ZAN: variants seen among roughly 807,000 people sequenced by gnomAD.
ZAN encodes the protein zonadhesin (gene/pseudogene).
Under a neutral mutation model 286.2 loss-of-function variants are expected in ZAN, and 260 were observed. That is an observed-to-expected ratio of 0.91 (90% CI 0.82 to 1.01). ZAN has a LOEUF of 1.01. ZAN is among the 50% of genes least tolerant of loss of function. The pLI is 0.00. For synonymous variants in ZAN, 1,368 were observed against 1,417.5 expected, an observed-to-expected ratio of 0.97 and a Z score of 0.79; for missense variants, 3,410 against 3,639.2, an observed-to-expected ratio of 0.94 and a Z score of 1.62.
chr7:100,758,896 A>C (rs1055324023), intron 17 of ZAN, among the ~76,000 whole-genome samples: 1 of 151,158 alleles, frequency 6.6e-6, no homozygotes, highest in Admixed American at 6.6e-5. Context: ...CAGCCTAGGC[A>C]ACACAGCAGG....
Position 100,737,088 on chromosome 7 carries a change from C to T in ZAN, c.525+8C>T, listed in dbSNP as rs749221207. ...TTCACCCTGCCCACCCGGGTAAGGC[C>T]GGGGACAAATTGTGGGACCTCGGGG... On this transcript the variant is annotated splice_region_variant and intron_variant, in intron 5 of 47. Transcript: ENST00000613979. 1.4e-5 allele frequency: 21 copies of T among 1,488,318 alleles called. 3 individuals carry two copies. The Admixed American group carries it at 2.3e-4, about 16-fold the overall frequency. The allele number at this position is 1,488,318 out of a possible 1,614,324, so 92.2% of individuals were successfully genotyped here.
At position 100,791,946 on chromosome 7, in the gene ZAN, C is replaced by G. The variant is rs1334486408; in HGVS notation, c.7530-20C>G. On this transcript the variant is annotated intron_variant, in intron 40 of 47. Transcript: ENST00000613979. ...CCTTCCTTGGGGCCTCACCTGACCCCGTGGCTGTCTCTACTGCAGGGCTAT... is the reference window on the plus strand; with the variant it reads ...CCTTCCTTGGGGCCTCACCTGACCCGGTGGCTGTCTCTACTGCAGGGCTAT... 8 of 1,600,118 alleles carry G rather than the reference C, an allele frequency of 5.0e-6. No individual in the cohort carries two copies. Among genetic ancestry groups the G allele is most frequent in the Non-Finnish European group, 6.8e-6 (8 of 1,172,748 alleles).
At chr7:100,792,569 C>G in intron 42 of ZAN, 90 bp downstream of exon 42, 1 of 1,574,644 alleles carries the variant, frequency 6.4e-7, no homozygotes, top group Non-Finnish European at 8.6e-7. Flanking sequence ...CTCCCTGTGC[C>G]GACCCTGACC....
rs371861902 is a variant in ZAN at position 100,737,348 on chromosome 7, C to T, written c.612C>T (p.Arg204=). Residue 204 remains arginine, a splice_region_variant and synonymous_variant, in exon 6 of 48, where the codon CGC becomes CGT. Transcript: ENST00000613979. ...CTATCCGCCGGGGCTCCTGTAATCG[C>T]GGTGAGTCCCTGTCCCTCCTCCCGC... ...ALSIRRGSCN[R]VCMMQTCSFD... 3.8e-5 allele frequency: 56 copies of T among 1,456,658 alleles called. 6 individuals carry two copies. In the African/African-American group the frequency reaches 4.0e-4, roughly 11 times the overall value. 90.2% of individuals were successfully genotyped at this position (1,456,658 alleles called of 1,614,324 possible).
At chr7:100,736,333 A>G in intron 3 of ZAN, 150 bp from the exon 4 acceptor site, 1 of 945,342 alleles carries the variant, frequency 1.1e-6, no homozygotes, top group Non-Finnish European at 1.7e-6. Flanking sequence ...CCTCCCCAGT[A>G]GCTGGGACTA....
At chr7:100,772,857 CTGTTTTTTTTTTGTT>C (rs1810470916) in intron 29 of ZAN, among the ~76,000 whole-genome samples, 1 of 117,656 alleles carries the variant, frequency 8.5e-6, no homozygotes, top group Non-Finnish European at 1.8e-5. Flanking sequence ...GATTTTATGT[CTGTTTTTTTTTTGTT>C]TGTTTTTTTT....
intron 20 of ZAN, 40 bp downstream of exon 20, chr7:100,762,398 C>T (rs1425098604): frequency 6.6e-7 from 1 of 1,522,956 alleles, no homozygotes; most frequent in Admixed American, 2.3e-5. Context: ...TGGGAAGGTT[C>T]CGTCCCCTTC....
At chr7:100,791,739 T>TA (rs1418197445) in intron 40 of ZAN, among the ~76,000 whole-genome samples, 7 of 151,848 alleles carry the variant, frequency 4.6e-5, no homozygotes, top group Non-Finnish European at 1.0e-4. Context: ...TTAAAATATA[T>TA]TTTTTAGAGA....
chr7:100,767,037 A>T lies in ZAN; in HGVS notation c.4640A>T (p.Asp1547Val). Residue 1547 changes from aspartate (D) to valine (V), a missense_variant, in exon 25 of 48, where the codon GAC becomes GTC. By Grantham distance (152) the Asp-to-Val change is radical. Coordinates refer to ENST00000613979, the MANE Select transcript of ZAN (RefSeq NM_003386.3). ...QGAATCTASG[D>V]PHYLTFDGAL... ...GCCGCCACCTGCACAGCCTCGGGTG[A>T]CCCCCACTACCTGACCTTCGATGGC... is the stretch of plus-strand genomic sequence containing the variant. The T allele has an allele frequency of 6.2e-7, 1 of 1,613,610 alleles. No homozygotes were observed. Among genetic ancestry groups the T allele is most frequent in the Non-Finnish European group, 8.5e-7 (1 of 1,179,770 alleles).
chr7:100,746,768 G>T (rs909603010), intron 8 of ZAN, 66 bp downstream of exon 8: 1 of 1,541,624 alleles, frequency 6.5e-7, no homozygotes, highest in Non-Finnish European at 8.9e-7. Flanking sequence ...GGCTTGATGG[G>T]GAAACATGGG....
intron 7 of ZAN, 135 bp from the exon 8 acceptor site, chr7:100,746,403 A>C (rs1808220254): frequency 8.8e-7 from 1 of 1,137,232 alleles, no homozygotes; most frequent in Non-Finnish European, 1.2e-6. Context: ...GGATAGGACC[A>C]CCTCAGTGCT....
rs112916908 is a variant in ZAN, at chr7:100,771,437, G to GTT, written c.5249-396_5249-395dup. On this transcript the variant is annotated intron_variant, in intron 28 of 47. Transcript: ENST00000613979. The stretch of plus-strand genomic sequence containing the variant: ...GGAAAATCCAGGAGGTTTTTTTTTT[G>GTT]TTTTTTTTTTTTGAGACGGAGTCTT... 2.3e-3 allele frequency among the ~76,000 whole-genome samples: 320 copies of GTT among 139,962 alleles called. 2 individuals are homozygous for GTT. The highest frequency in any genetic ancestry group is 7.9e-3 in the African/African-American group (303 of 38,182). 91.8% of individuals were successfully genotyped at this position (139,962 alleles called of 152,430 possible). A position where few individuals can be genotyped will look rare whatever the true frequency, so the allele number is the denominator to read the frequency against.
rs1354629361 is a variant in ZAN, at chr7:100,737,362, C to A, written c.613+13C>A. On this transcript the variant is annotated intron_variant, in intron 6 of 47. Coordinates refer to ENST00000613979, the MANE Select transcript of ZAN (RefSeq NM_003386.3). ...TCCTGTAATCGCGGTGAGTCCCTGT[C>A]CCTCCTCCCGCCTGCCCTCGGACCC... 3 of 1,424,866 alleles carry A rather than the reference C, an allele frequency of 2.1e-6. 1 individual carries two copies. The South Asian group carries it at 3.8e-5, about 18-fold the overall frequency. 88.3% of individuals were successfully genotyped at this position (1,424,866 alleles called of 1,614,324 possible). A position where few individuals can be genotyped will look rare whatever the true frequency, so the allele number is the denominator to read the frequency against.
At chr7:100,784,896 T>C (rs1811462160) in intron 36 of ZAN, 62 bp downstream of exon 36, 2 of 1,465,770 alleles carry the variant, frequency 1.4e-6, no homozygotes, top group Non-Finnish European at 1.8e-6. Flanking sequence ...CTTTCTCCTT[T>C]TCTCTGCCTC....
Position 100,740,253 on chromosome 7 carries a change from C to T in ZAN, c.766+1640C>T, listed in dbSNP as rs1486772008. On this transcript the variant is annotated intron_variant, in intron 7 of 47. Transcript: ENST00000613979. ...TTCCTATTCTGTGTGAATGGGGAGC[C>T]TTTGCAGGATTTTGAGCAGTGACTT... Among the ~76,000 whole-genome samples, 4 of 138,684 alleles carry T rather than the reference C, an allele frequency of 2.9e-5. 1 individual carries two copies. Among genetic ancestry groups the T allele is most frequent in the East Asian group, 2.0e-4 (1 of 4,924 alleles). 91.0% of individuals were successfully genotyped at this position (138,684 alleles called of 152,430 possible). A position where few individuals can be genotyped will look rare whatever the true frequency, so the allele number is the denominator to read the frequency against.
intron 35 of ZAN, among the ~76,000 whole-genome samples, chr7:100,782,192 C>T (rs1584620313): frequency 6.9e-6 from 1 of 144,054 alleles, no homozygotes. Context: ...CATCTTTTGA[C>T]TTTTTTTTTT....
chr7:100,769,924 G>T lies in ZAN; in HGVS notation c.5198G>T (p.Ser1733Ile). 1 of 1,566,472 alleles carries T rather than the reference G, an allele frequency of 6.4e-7. No homozygotes were observed. The change falls in exon 28 of 48, where the codon AGC becomes ATC. Residue 1733 changes from serine (S) to isoleucine (I), a missense_variant. Ser to Ile is a moderately radical substitution (Grantham distance 142, BLOSUM62 -2). Around this residue, in one of 7 missense-constraint regions of ZAN, gnomAD observed 1,042 missense variants for 1,058.0 expected, o/e 0.98. Transcript: ENST00000613979. ...GGKPSSCQEN[S>I]MADAWNKNCA... Reference sequence around the variant, plus strand: ...AAGCCCTCCAGCTGCCAGGAGAACAGCATGGCAGACGCCTGGAACAAGAAC... The same window carrying T: ...AAGCCCTCCAGCTGCCAGGAGAACATCATGGCAGACGCCTGGAACAAGAAC...
chr7:100,768,851 G>GAGAGATTGCCAGTTTC, intron 27 of ZAN, 130 bp downstream of exon 27: 1 of 726,178 alleles, frequency 1.4e-6, no homozygotes, highest in Non-Finnish European at 2.2e-6. Context: ...CAGGAAACTG[G>GAGAGATTGCCAGTTTC]CAATCTCTCC....
At chr7:100,793,065 A>G (rs867986563) in intron 42 of ZAN, among the ~76,000 whole-genome samples, 2 of 151,766 alleles carry the variant, frequency 1.3e-5, no homozygotes, top group Non-Finnish European at 2.9e-5. Flanking sequence ...CAGGCTGGAC[A>G]TGGTAGCTCA....
Sources: allele counts gnomAD v4.1 joint callset (sites outside exome capture counted in the v4.1 genomes callset), GRCh38; gene constraint gnomAD v4.1.1; regional missense constraint gnomAD v4.1.1; transcripts MANE v1.5; gene names NCBI Gene and HGNC (gene_info 2026-07-23, HGNC 2026-07-21).